The following NAALADL2 variants were observed in gnomAD, a reference collection of about 807,000 sequenced individuals.
The protein encoded by NAALADL2 is N-acetylated alpha-linked acidic dipeptidase like 2.
NAALADL2 carries 76 observed loss-of-function variants against 87.2 expected under a neutral mutation model. That is an observed-to-expected ratio of 0.87 (90% CI 0.72 to 1.05). The LOEUF (loss-of-function observed/expected upper bound fraction) is 1.05, where lower values mean the gene tolerates loss of function less well. Among genes scored for constraint, NAALADL2 ranks in the 50% least tolerant of loss-of-function variants. The pLI, the probability that NAALADL2 is intolerant of heterozygous loss-of-function variation, is 0.00. For missense variants in NAALADL2, 1,089 were observed against 945.8 expected, an observed-to-expected ratio of 1.15 and a Z score of -1.99; for synonymous variants, 354 against 331.0, an observed-to-expected ratio of 1.07 and a Z score of -0.75.
chr3:175,663,326 G>A (rs974174701), intron 11 of NAALADL2, among the ~76,000 whole-genome samples: 3 of 151,508 alleles, frequency 2.0e-5, no homozygotes, highest in African/African-American at 4.8e-5. Flanking sequence ...TTTCCAATTT[G>A]TTGTCATATA....
At chr3:175,060,021 G>T in intron 1 of NAALADL2, 2 of 411,158 alleles carry the variant, frequency 4.9e-6, no homozygotes, top group South Asian at 4.0e-5. Context: ...TCAGGTCTCT[G>T]AAACCCATGG....
At chr3:175,598,769 A>G (rs990320430) in intron 10 of NAALADL2, among the ~76,000 whole-genome samples, 3 of 152,192 alleles carry the variant, frequency 2.0e-5, no homozygotes, top group East Asian at 1.9e-4. Flanking sequence ...CCACTGTTTC[A>G]GGTTACTTAA....
chr3:175,134,544 C>A (rs987107904), intron 2 of NAALADL2, among the ~76,000 whole-genome samples: 1 of 152,080 alleles, frequency 6.6e-6, no homozygotes, highest in East Asian at 1.9e-4. Flanking sequence ...TCTCAAATAA[C>A]CCTTACACCT....
At chr3:174,620,231 ACTT>A (rs749019770) in intron 2 of NAALADL2, among the ~76,000 whole-genome samples, 5 of 152,054 alleles carry the variant, frequency 3.3e-5, no homozygotes, top group Admixed American at 6.6e-5. Context: ...GAATGAGTCC[ACTT>A]CTTGTCCTTG....
intron 2 of NAALADL2, among the ~76,000 whole-genome samples, chr3:175,136,509 A>T (rs1029933675): frequency 5.9e-5 from 9 of 152,224 alleles, no homozygotes; most frequent in African/African-American, 1.9e-4. Flanking sequence ...TTAGGGGACC[A>T]GGAGGCCAAT....
intron 5 of NAALADL2, among the ~76,000 whole-genome samples, chr3:175,337,847 T>C (rs372371488): frequency 5.3e-5 from 8 of 152,342 alleles, no homozygotes; most frequent in African/African-American, 1.9e-4. Context: ...AACTATTAGA[T>C]GTTTCACTAG....
intron 3 of NAALADL2, among the ~76,000 whole-genome samples, chr3:174,814,260 C>T (rs891837499): frequency 1.4e-4 from 22 of 152,094 alleles, no homozygotes; most frequent in African/African-American, 3.1e-4. Context: ...AGGTGCCTAC[C>T]GCCACGCCTG....
intron 1 of NAALADL2, among the ~76,000 whole-genome samples, chr3:174,469,285 T>A (rs758375440): frequency 4.0e-5 from 6 of 150,964 alleles, no homozygotes; most frequent in Non-Finnish European, 8.9e-5. Flanking sequence ...TTTGAGACAG[T>A]CTCGCTCTGT....
intron 9 of NAALADL2, among the ~76,000 whole-genome samples, chr3:175,498,872 C>T (rs1729167470): frequency 6.6e-6 from 1 of 152,054 alleles, no homozygotes; most frequent in Admixed American, 6.6e-5. Context: ...ATTTGTGTGG[C>T]AGCCCTAGCA....
At chr3:174,568,392 C>T (rs1040277415) in intron 2 of NAALADL2, among the ~76,000 whole-genome samples, 1 of 151,738 alleles carries the variant, frequency 6.6e-6, no homozygotes, top group Admixed American at 6.6e-5. Flanking sequence ...TTCAGAAAGT[C>T]TTTTCACCAC....
intron 2 of NAALADL2, among the ~76,000 whole-genome samples, chr3:174,576,347 G>C (rs1244018206): frequency 6.6e-6 from 1 of 152,130 alleles, no homozygotes; most frequent in Non-Finnish European, 1.5e-5. Context: ...TGTATGGAAT[G>C]TATGTAGATA....
intron 11 of NAALADL2, among the ~76,000 whole-genome samples, chr3:175,674,711 G>T (rs769015145): frequency 6.6e-6 from 1 of 151,896 alleles, no homozygotes; most frequent in Non-Finnish European, 1.5e-5. Flanking sequence ...TAAAAATGAG[G>T]ATCATTTAAG....
rs371566002 is a variant in NAALADL2, at chr3:174,871,392, C to T, written c.43+11942C>T. On this transcript the variant is annotated intron_variant, in intron 1 of 13. Transcript: ENST00000454872. ...CACATTTTAATTATGCTATAAACTT[C>T]GGGAAATAGCTATTGATCTTCAGCA... is the stretch of plus-strand genomic sequence containing the variant. Among the ~76,000 whole-genome samples the T allele has an allele frequency of 2.6e-5, 4 of 152,154 alleles. No individual in the cohort carries two copies. In the South Asian group the frequency reaches 8.3e-4, roughly 32 times the overall value.
intron 11 of NAALADL2, among the ~76,000 whole-genome samples, chr3:175,681,941 A>G (rs1238205399): frequency 1.3e-5 from 2 of 152,142 alleles, no homozygotes; most frequent in African/African-American, 4.8e-5. Flanking sequence ...TAAACTGTAA[A>G]CCTAAAGAAG....
chr3:174,894,087 CTA>C (rs1935429633), intron 1 of NAALADL2, among the ~76,000 whole-genome samples: 1 of 151,930 alleles, frequency 6.6e-6, no homozygotes, highest in Non-Finnish European at 1.5e-5. Flanking sequence ...AAGACAAAAA[CTA>C]TAAGAAGAGG....
rs1294466012 is a variant in NAALADL2, at chr3:175,324,236, T to G, written c.1001T>G (p.Leu334Trp). The G allele has an allele frequency of 2.5e-6, 4 of 1,613,808 alleles. No homozygotes were observed. Among genetic ancestry groups the G allele is most frequent in the Middle Eastern group, 1.6e-4 (1 of 6,062 alleles). ...GVLLYIDPCD[L>W]PKTVNPSHDT... ...CTTCTGTATATCGATCCTTGTGATT[T>G]GCCAAAGACTGTGAATCCTAGCCAT... The change falls in exon 5 of 14, where the codon TTG (leucine) becomes TGG (tryptophan). Residue 334 changes from leucine to tryptophan, a missense_variant. Transcript: ENST00000454872.
chr3:174,868,183 G>T (rs1294887641), intron 1 of NAALADL2, among the ~76,000 whole-genome samples: 1 of 152,056 alleles, frequency 6.6e-6, no homozygotes, highest in Admixed American at 6.6e-5. Context: ...GAAATGTAAT[G>T]CTTTTACCTT....
intron 11 of NAALADL2, chr3:175,718,548 C>G: frequency 1.9e-6 from 3 of 1,592,262 alleles, no homozygotes; most frequent in Admixed American, 3.3e-5. Flanking sequence ...GTCATGTCTT[C>G]GTCATCTTCT....
chr3:175,511,457 G>C (rs776021351), intron 9 of NAALADL2, among the ~76,000 whole-genome samples: 3 of 152,186 alleles, frequency 2.0e-5, no homozygotes, highest in African/African-American at 7.2e-5. Context: ...CAAAGGAAGG[G>C]CCACGTGGCA....
Sources: allele counts gnomAD v4.1 joint callset (sites outside exome capture counted in the v4.1 genomes callset), GRCh38; gene constraint gnomAD v4.1.1; transcripts MANE v1.5; gene names NCBI Gene and HGNC (gene_info 2026-07-23, HGNC 2026-07-21).